The following GADL1 variants were observed in gnomAD, a reference collection of about 807,000 sequenced individuals.
GADL1 encodes acidic amino acid decarboxylase GADL1.
In GADL1, 71 loss-of-function variants were observed where a neutral mutation model predicts 69.5. The observed-to-expected ratio is 1.02, with a 90% CI of 0.84 to 1.25. The LOEUF is 1.25. GADL1 is among the 50% of genes most tolerant of loss of function. The probability of loss-of-function intolerance (pLI) is 0.00; values close to 1 mark genes in which losing one functional copy is unlikely to be tolerated. For synonymous variants in GADL1, 254 were observed against 214.4 expected, an observed-to-expected ratio of 1.18 and a Z score of -1.62; for missense variants, 737 against 631.8, an observed-to-expected ratio of 1.17 and a Z score of -1.79.
intron 1 of GADL1, among the ~76,000 whole-genome samples, chr3:30,887,106 G>T (rs553953028): frequency 1.3e-5 from 2 of 152,278 alleles, no homozygotes; most frequent in South Asian, 4.1e-4. Context: ...TTCAGTAACT[G>T]GTAGAGCCTG....
intron 11 of GADL1, among the ~76,000 whole-genome samples, chr3:30,814,919 G>C (rs1230616611): frequency 6.6e-6 from 1 of 151,424 alleles, no homozygotes; most frequent in Non-Finnish European, 1.5e-5. Flanking sequence ...AGCCGAGATT[G>C]TGCCACTGCA....
At chr3:30,783,250 A>G (rs923414527) in intron 13 of GADL1, among the ~76,000 whole-genome samples, 1 of 152,214 alleles carries the variant, frequency 6.6e-6, no homozygotes, top group Non-Finnish European at 1.5e-5. Flanking sequence ...CTCCCAAGAG[A>G]TAAAAAATAA....
At chr3:30,792,535 C>T (rs968153485) in intron 12 of GADL1, among the ~76,000 whole-genome samples, 1 of 152,130 alleles carries the variant, frequency 6.6e-6, no homozygotes, top group Admixed American at 6.6e-5. Flanking sequence ...CATAATTGTA[C>T]CACTGCACTC....
chr3:30,851,632 G>C (rs1698148166), intron 4 of GADL1, among the ~76,000 whole-genome samples: 1 of 149,890 alleles, frequency 6.7e-6, no homozygotes, highest in Non-Finnish European at 1.5e-5. Context: ...ACCCATTCTT[G>C]TGGTGGTCTA....
intron 12 of GADL1, among the ~76,000 whole-genome samples, chr3:30,793,763 C>G (rs1299644563): frequency 6.7e-6 from 1 of 148,808 alleles, no homozygotes; most frequent in African/African-American, 2.5e-5. Flanking sequence ...ATTCTTTCCT[C>G]TCTGCAAATA....
At chr3:30,816,575 C>G (rs1287123217) in intron 11 of GADL1, among the ~76,000 whole-genome samples, 1 of 80,984 alleles carries the variant, frequency 1.2e-5, no homozygotes, top group African/African-American at 4.5e-5. Context: ...TTGAGACAGT[C>G]TTGCTCTGTC....
intron 11 of GADL1, among the ~76,000 whole-genome samples, chr3:30,830,007 C>CT (rs1200097497): frequency 1.3e-5 from 2 of 151,894 alleles, no homozygotes; most frequent in Non-Finnish European, 2.9e-5. Flanking sequence ...TGACAATAAG[C>CT]TGTGGCATGA....
intron 14 of GADL1, among the ~76,000 whole-genome samples, chr3:30,736,196 A>G (rs1298775923): frequency 6.6e-6 from 1 of 152,078 alleles, no homozygotes. Context: ...GTAATTATCA[A>G]TAACACCCCT....
chr3:30,757,301 TG>T (rs1695997647), intron 14 of GADL1, among the ~76,000 whole-genome samples: 1 of 152,102 alleles, frequency 6.6e-6, no homozygotes, highest in Non-Finnish European at 1.5e-5. Context: ...CTACCCAGCC[TG>T]ACATTTAAAA....
intron 12 of GADL1, chr3:30,799,260 A>G (rs1697112965): frequency 6.6e-6 from 1 of 152,242 alleles, no homozygotes; most frequent in African/African-American, 2.4e-5. Flanking sequence ...AGGGGTTTCC[A>G]TACCTCTTCT....
At chr3:30,892,509 A>T (rs1341739326) in intron 1 of GADL1, among the ~76,000 whole-genome samples, 1 of 152,228 alleles carries the variant, frequency 6.6e-6, no homozygotes, top group African/African-American at 2.4e-5. Context: ...GTTTTCAGAA[A>T]TTCAGATTTA....
chr3:30,742,827 A>AT (rs540143058), intron 14 of GADL1, among the ~76,000 whole-genome samples: 38 of 149,882 alleles, frequency 2.5e-4, no homozygotes, highest in South Asian at 8.4e-4. Flanking sequence ...ATTTCAAGTA[A>AT]TTTTTTTTTT....
In GADL1 at chr3:30,850,751, T is replaced by A. The variant is rs1039874115; in HGVS notation, c.535+84A>T. ...TTAATATCCAACTTTTTGTCGTGTA[T>A]AAATCTGCAAGGAGTTGTTCCTCAT... On this transcript the variant is annotated intron_variant, in intron 5 of 14. Coordinates refer to ENST00000282538, the MANE Select transcript of GADL1 (RefSeq NM_207359.3). 13 of 757,406 alleles carry A rather than the reference T, an allele frequency of 1.7e-5. 1 individual carries two copies. Among genetic ancestry groups the A allele is most frequent in the Non-Finnish European group, 2.7e-5 (12 of 442,070 alleles). The allele number at this position is 757,406 out of a possible 1,614,324, so 46.9% of individuals were successfully genotyped here.
rs952543114 is a variant in GADL1, at chr3:30,727,723, G to A, written c.*519C>T. On this transcript the variant is annotated 3_prime_UTR_variant, in exon 15 of 15. Transcript: ENST00000282538. ...GGTTTTTCTTAAACCAGTGTTTCTC[G>A]GATTTTACTGTGCATCAGAATTCCC... The A allele has an allele frequency of 9.9e-5, 15 of 152,066 alleles. No individual in the cohort carries two copies. Among genetic ancestry groups the A allele is most frequent in the African/African-American group, 3.1e-4 (13 of 41,380 alleles). 9.4% of individuals were successfully genotyped at this position (152,066 alleles called of 1,614,324 possible). A position where few individuals can be genotyped will look rare whatever the true frequency, so the allele number is the denominator to read the frequency against.
At chr3:30,893,384 G>T (rs1161839226) in intron 1 of GADL1, among the ~76,000 whole-genome samples, 1 of 151,840 alleles carries the variant, frequency 6.6e-6, no homozygotes, top group Non-Finnish European at 1.5e-5. Context: ...TCATTTCTTG[G>T]TGGTGAGAAC....
At chr3:30,869,398 T>C (rs1313542304) in intron 1 of GADL1, among the ~76,000 whole-genome samples, 2 of 151,762 alleles carry the variant, frequency 1.3e-5, no homozygotes, top group Non-Finnish European at 2.9e-5. Context: ...ATGGGAAATA[T>C]TAAGAAATAA....
intron 14 of GADL1, among the ~76,000 whole-genome samples, chr3:30,729,279 G>C (rs912291100): frequency 2.6e-5 from 4 of 152,160 alleles, no homozygotes; most frequent in Non-Finnish European, 5.9e-5. Context: ...TTTTAAAATA[G>C]TGAAGTTCAT....
At chr3:30,786,095 A>G (rs979140110) in intron 13 of GADL1, among the ~76,000 whole-genome samples, 4 of 152,246 alleles carry the variant, frequency 2.6e-5, no homozygotes, top group Non-Finnish European at 4.4e-5. Flanking sequence ...TAGAGGTCAT[A>G]ATTTATTCAA....
At position 30,884,918 on chromosome 3, in the gene GADL1, C is replaced by T. The variant is rs115797369; in HGVS notation, c.37+9660G>A. On this transcript the variant is annotated intron_variant, in intron 1 of 14. Coordinates refer to ENST00000282538, the MANE Select transcript of GADL1 (RefSeq NM_207359.3). ...CAGTGTTGTTTCTTATCACCTTTAT[C>T]GTATGGGGGCAGTGAACTGATGGCT... is the stretch of plus-strand genomic sequence containing the variant. Among the ~76,000 whole-genome samples the T allele has an allele frequency of 3.0e-3, 453 of 152,038 alleles. 1 individual carries two copies. Among genetic ancestry groups the T allele is most frequent in the African/African-American group, 0.011 (439 of 41,494 alleles).
Sources: gnomAD v4.1 joint callset for allele counts (sites outside exome capture counted in the v4.1 genomes callset) on GRCh38, gnomAD v4.1.1 for gene constraint, MANE v1.5 for transcripts, NCBI Gene and HGNC (gene_info 2026-07-23, HGNC 2026-07-21) for gene names.